The following HAVCR1 variants were observed in gnomAD, a reference collection of about 807,000 sequenced individuals.
HAVCR1 encodes the protein hepatitis A virus cellular receptor 1, also known as T cell immunoglobin domain and mucin domain protein 1.
HAVCR1 carries 34 observed loss-of-function variants against 32.0 expected under a neutral mutation model. That is an observed-to-expected ratio of 1.06 (90% confidence interval 0.81 to 1.42). The LOEUF (loss-of-function observed/expected upper bound fraction) is 1.42, where lower values mean the gene tolerates loss of function less well. Ranked by LOEUF, HAVCR1 falls within the 40% of genes most tolerant of loss-of-function variation. HAVCR1 has a pLI of 0.00. For synonymous variants in HAVCR1, 178 were observed against 170.3 expected (o/e 1.05, Z -0.35); for missense variants, 420 against 442.3 (o/e 0.95, Z 0.45).
At chr5:157,044,439 GAAAGAAAGAAAGAAAGAAAGAAAGAAAGA>G (rs1755141622) in intron 5 of HAVCR1, among the ~76,000 whole-genome samples, 1 of 34,756 alleles carries the variant, frequency 2.9e-5, no homozygotes, top group African/African-American at 1.5e-4. Context: ...AAGAAAGAAA[GAAAGAAAGAAAGAAAGAAAGAAAGAAAGA>G]AAGGAAGGAA....
intron 8 of HAVCR1, 133 bp downstream of exon 8, chr5:157,032,721 A>C: frequency 1.5e-6 from 1 of 670,256 alleles, no homozygotes; most frequent in South Asian, 1.8e-5. Flanking sequence ...TGTAAATAAT[A>C]GAATTGCTCA....
At chr5:157,031,236 T>A (rs1287869793) in intron 8 of HAVCR1, among the ~76,000 whole-genome samples, 1 of 152,196 alleles carries the variant, frequency 6.6e-6, no homozygotes, top group African/African-American at 2.4e-5. Flanking sequence ...TCGATGTGTA[T>A]TGAGCACTTA....
At chr5:157,032,539 C>T (rs530359753) in intron 8 of HAVCR1, among the ~76,000 whole-genome samples, 1 of 151,410 alleles carries the variant, frequency 6.6e-6, no homozygotes, top group Non-Finnish European at 1.5e-5. Flanking sequence ...AAGCGTTAAA[C>T]GAAATAAAAG....
At chr5:157,031,794 CAAAAAAAAAAAA>C (rs57821791) in intron 8 of HAVCR1, among the ~76,000 whole-genome samples, 1 of 106,570 alleles carries the variant, frequency 9.4e-6, no homozygotes, top group African/African-American at 3.7e-5. Flanking sequence ...CTGGGTGTCT[CAAAAAAAAAAAA>C]AAAAAAAAAA....
chr5:157,062,938 G>A (rs952552043), upstream of HAVCR1, among the ~76,000 whole-genome samples: 1 of 151,886 alleles, frequency 6.6e-6, no homozygotes, highest in Non-Finnish European at 1.5e-5. Context: ...TGGCCAATAT[G>A]GCAAACCCCT....
intron 2 of HAVCR1, among the ~76,000 whole-genome samples, chr5:157,057,550 C>G (rs1329291792): frequency 6.6e-6 from 1 of 152,098 alleles, no homozygotes; most frequent in African/African-American, 2.4e-5. Context: ...CCTCTGCCCC[C>G]ATCCCACATT....
chr5:157,051,048 T>C (rs1053248376), intron 4 of HAVCR1, among the ~76,000 whole-genome samples: 1 of 152,228 alleles, frequency 6.6e-6, no homozygotes, highest in Non-Finnish European at 1.5e-5. Flanking sequence ...AGTTATCTTT[T>C]AAATCCCGAA....
At chr5:157,041,866 C>G (rs1427067991) in intron 6 of HAVCR1, among the ~76,000 whole-genome samples, 1 of 152,138 alleles carries the variant, frequency 6.6e-6, no homozygotes, top group Admixed American at 6.5e-5. Flanking sequence ...TGAGACTAGC[C>G]TGGCCAACAT....
At chr5:157,044,641 G>GA (rs748512267) in intron 5 of HAVCR1, among the ~76,000 whole-genome samples, 3 of 108,518 alleles carry the variant, frequency 2.8e-5, no homozygotes, top group Non-Finnish European at 5.4e-5. Context: ...AAGAAAGAAA[G>GA]AAAGAAAGAA....
At chr5:157,044,631 AAGAAAGAAAG>A (rs1581701934) in intron 5 of HAVCR1, among the ~76,000 whole-genome samples, 1 of 80,400 alleles carries the variant, frequency 1.2e-5, no homozygotes, top group East Asian at 5.1e-4. Flanking sequence ...GAAAGAAAGA[AAGAAAGAAAG>A]AAAGAAAGAA....
chr5:157,066,716 C>T, the HAVCR1 span, among the ~76,000 whole-genome samples: 1 of 152,082 alleles, frequency 6.6e-6, no homozygotes, highest in East Asian at 1.9e-4. Flanking sequence ...CCTGTTGGTG[C>T]ACACGCTAAG....
chr5:157,029,962 C>T (rs1754075830), intron 8 of HAVCR1, 121 bp from the exon 9 acceptor site: 8 of 687,608 alleles, frequency 1.2e-5, no homozygotes, highest in Non-Finnish European at 1.7e-5. Flanking sequence ...CCAGGAGCCC[C>T]GTTCACACAA....
chr5:157,036,458 G>A (rs1259383588), intron 7 of HAVCR1, among the ~76,000 whole-genome samples: 1 of 152,184 alleles, frequency 6.6e-6, no homozygotes, highest in African/African-American at 2.4e-5. Flanking sequence ...CAGCCTGTGA[G>A]ACAAGAGAGA....
At position 157,049,132 on chromosome 5, in the gene HAVCR1, T is replaced by C. The variant is rs200812223; in HGVS notation, c.687A>G (p.Pro229=). 10 of 1,603,614 alleles carry C rather than the reference T, an allele frequency of 6.2e-6. No individual in the cohort carries two copies. Among genetic ancestry groups the C allele is most frequent in the Admixed American group, 3.3e-5 (2 of 59,998 alleles). Residue 229 remains proline (P), a synonymous_variant, in exon 5 of 9, where the codon CCA becomes CCG. Transcript: ENST00000523175. The part of the protein sequence containing the change: ...RQNHEPVATS[P]SSPQPAETHP... ...GGGTTTCTGCTGGCTGAGGTGAAGA[T>C]GGTGAAGTGGCTACTGGAATGAAAA...
intron 4 of HAVCR1, among the ~76,000 whole-genome samples, chr5:157,050,077 G>A (rs930027708): frequency 2.0e-5 from 3 of 152,168 alleles, no homozygotes; most frequent in Non-Finnish European, 4.4e-5. Context: ...TCCCAAACCT[G>A]GCTTTCCTTA....
At chr5:157,061,853 C>A (rs1489962412), upstream of HAVCR1, among the ~76,000 whole-genome samples, 1 of 152,002 alleles carries the variant, frequency 6.6e-6, no homozygotes, top group Admixed American at 6.6e-5. Flanking sequence ...GGTGTTTCAA[C>A]TGGAGGAAAT....
upstream of HAVCR1, among the ~76,000 whole-genome samples, chr5:157,060,011 A>T (rs892033187): frequency 2.6e-5 from 4 of 152,110 alleles, no homozygotes; most frequent in Non-Finnish European, 4.4e-5. Flanking sequence ...AAAAAAGCTA[A>T]TTCAATTCAA....
rs201250075 is a variant in HAVCR1 at position 157,040,872 on chromosome 5, C to A, written c.837+1755G>T. Among the ~76,000 whole-genome samples, 6 of 152,096 alleles carry A rather than the reference C, an allele frequency of 3.9e-5. No individual in the cohort carries two copies. The East Asian group carries it at 1.2e-3, about 29-fold the overall frequency. ...CTGAGATTGTGAAACTGTACTCCAG[C>A]CTGGGCGATGAAAGTAAAACCCTGT... On this transcript the variant is annotated intron_variant, in intron 6 of 8. Coordinates refer to ENST00000523175, the MANE Select transcript of HAVCR1 (RefSeq NM_001173393.3).
chr5:157,054,209 A>C (rs1257426593), intron 3 of HAVCR1, among the ~76,000 whole-genome samples: 4 of 151,032 alleles, frequency 2.6e-5, no homozygotes, highest in African/African-American at 9.7e-5. Context: ...AAAAAAAAAA[A>C]AAAACAAAGG....
Sources: gnomAD v4.1 joint callset for allele counts (sites outside exome capture counted in the v4.1 genomes callset) on GRCh38, gnomAD v4.1.1 for gene constraint, MANE v1.5 for transcripts, NCBI Gene and HGNC (gene_info 2026-07-23, HGNC 2026-07-21) for gene names.